Variants in LARS1 observed in about 807,000 individuals in gnomAD.
LARS1 encodes leucyl-tRNA synthetase 1.
A neutral mutation model predicts 162.8 loss-of-function variants in LARS1; 100 were observed. The ratio of observed to expected loss-of-function variants is 0.61; its 90% CI spans 0.52 to 0.73. LARS1 has a LOEUF of 0.73. Ranked by LOEUF, LARS1 falls within the 30% of genes least tolerant of loss-of-function variation. The pLI is 0.00. For missense variants in LARS1, 1,258 were observed against 1,408.9 expected (o/e 0.89, Z 1.71); for synonymous variants, 457 against 462.8 (o/e 0.99, Z 0.16).
chr5:146,135,636 G>C lies in LARS1; in HGVS notation c.2177C>G (p.Thr726Ser). 3.1e-6 allele frequency: 5 copies of C among 1,601,402 alleles called. No individual in the cohort carries two copies. The highest frequency in any genetic ancestry group is 3.4e-6 in the Non-Finnish European group (4 of 1,176,332). The stretch of plus-strand genomic sequence containing the variant: ...AAATTTGTCAATAGCTTGGGTCAAA[G>C]TGAGGAAGTTGCCTGTGGATTTTGA... ...KMSKSTGNFL[T>S]LTQAIDKFSA... is the part of the protein sequence containing the mutation. Residue 726 changes from threonine to serine, a missense_variant, in exon 22 of 32, where the codon ACT (threonine) becomes AGT (serine). Transcript: ENST00000394434.
chr5:146,166,579 A>G (rs889497421), intron 5 of LARS1, among the ~76,000 whole-genome samples: 1 of 152,204 alleles, frequency 6.6e-6, no homozygotes, highest in African/African-American at 2.4e-5. Flanking sequence ...TATAACCTGA[A>G]GAATAAAGTG....
intron 1 of LARS1, chr5:146,180,996 T>C (rs752414441): frequency 1.3e-5 from 2 of 152,220 alleles, no homozygotes; most frequent in African/African-American, 4.8e-5. Flanking sequence ...TATAGTTGCA[T>C]AGGTTGCTCT....
intron 2 of LARS1, among the ~76,000 whole-genome samples, chr5:146,174,589 T>TATATGTATATATCC (rs1554073667): frequency 0.058 from 282 of 4,898 alleles, 76 homozygotes; most frequent in Middle Eastern, 0.17. Flanking sequence ...TATATATCCA[T>TATATGTATATATCC]ATATATATAT....
At position 146,172,728 on chromosome 5, in the gene LARS1, G is replaced by T; in HGVS notation, c.172C>A (p.Arg58Ser). 1 of 1,583,464 alleles carries T rather than the reference G, an allele frequency of 6.3e-7. No individual in the cohort carries two copies. Among genetic ancestry groups the T allele is most frequent in the Non-Finnish European group, 8.6e-7 (1 of 1,166,282 alleles). The change falls in exon 3 of 32, where the codon CGC (arginine) becomes AGC (serine). Residue 58 changes from arginine (R) to serine (S), a missense_variant. Transcript: ENST00000394434. Reference protein sequence around the residue: ...VTFPYPYMNGRLHLGHTFSLS... With the variant: ...VTFPYPYMNGSLHLGHTFSLS... ...GAAAACGTGTGTCCCAAATGAAGGC[G>T]TCCATTCATATATGGATATGGGAAG...
intron 13 of LARS1, 54 bp downstream of exon 13, chr5:146,153,116 CTTCT>C (rs1254950975): frequency 7.5e-7 from 1 of 1,330,074 alleles, no homozygotes; most frequent in African/African-American, 1.5e-5. Context: ...CATGTTAGCT[CTTCT>C]TTTTCTCTGA....
chr5:146,141,179 TG>T (rs951887390), intron 20 of LARS1, among the ~76,000 whole-genome samples: 1 of 152,200 alleles, frequency 6.6e-6, no homozygotes, highest in Non-Finnish European at 1.5e-5. Flanking sequence ...GCAAGAGTTG[TG>T]GAGCCAATCT....
In LARS1 at chr5:146,136,336, CAAGAAT is replaced by C. The variant is rs374115037; in HGVS notation, c.2149-678_2149-673del. 2.2e-3 allele frequency among the ~76,000 whole-genome samples: 330 copies of C among 152,158 alleles called. 3 individuals carry two copies. The highest frequency in any genetic ancestry group is 7.7e-3 in the African/African-American group (321 of 41,540). On this transcript the variant is annotated intron_variant, in intron 21 of 31. Coordinates refer to ENST00000394434, the MANE Select transcript of LARS1 (RefSeq NM_020117.11). ...AGCCAAAGAAAATGTCATGTTCTAA[CAAGAAT>C]AATAAATGTATTGTTCTTCTTTGAC...
In LARS1 at chr5:146,157,468, T is replaced by C. The variant is rs1328818541; in HGVS notation, c.1000A>G (p.Met334Val). 5 of 1,614,070 alleles carry C rather than the reference T, an allele frequency of 3.1e-6. No individual in the cohort carries two copies. The African/African-American group carries it at 5.3e-5, about 17-fold the overall frequency. The change falls in exon 10 of 32, where the codon ATG becomes GTG. Residue 334 changes from methionine to valine, a missense_variant. Physicochemically the swap from Met to Val is conservative, Grantham distance 21 (BLOSUM62 1). Transcript: ENST00000394434. ...FICTQKAARN[M>V]SYQGFTKDNG... ...TCTTTGGTAAAGCCCTGGTATGACA[T>C]ATTCCTGGCTGCTTTTTGGGTACAG...
At position 146,130,069 on chromosome 5, in the gene LARS1, G is replaced by T. The variant is rs370418485; in HGVS notation, c.2577C>A (p.Leu859=). The change falls in exon 25 of 32, where the codon CTC becomes CTA. Residue 859 remains leucine (L), a synonymous_variant. Coordinates refer to ENST00000394434, the MANE Select transcript of LARS1 (RefSeq NM_020117.11). Reference sequence around the variant, plus strand: ...CACACAAATGTGGACAGAATGGAGCGAGGAGAAGTGTCTGAACTTCAATAA... The same window carrying T: ...CACACAAATGTGGACAGAATGGAGCTAGGAGAAGTGTCTGAACTTCAATAA... ...FRFIEVQTLL[L]APFCPHLCEH... is the part of the protein sequence containing the mutation. 2 of 1,613,928 alleles carry T rather than the reference G, an allele frequency of 1.2e-6. No homozygotes were observed. Among genetic ancestry groups the T allele is most frequent in the Non-Finnish European group, 1.7e-6 (2 of 1,179,844 alleles).
In LARS1 at chr5:146,162,575, C is replaced by T. The variant is rs556464542; in HGVS notation, c.594+1735G>A. ...CATTCTTAAAGGCCTTAAAATTTTC[C>T]AAATGGTAAATGAGCACTAGTTTCA... On this transcript the variant is annotated intron_variant, in intron 6 of 31. Coordinates refer to ENST00000394434, the MANE Select transcript of LARS1 (RefSeq NM_020117.11). Among the ~76,000 whole-genome samples the T allele has an allele frequency of 1.1e-4, 17 of 152,200 alleles. No homozygotes were observed. The South Asian group carries it at 3.3e-3, about 30-fold the overall frequency.
At chr5:146,164,920 G>A (rs1753935399) in intron 5 of LARS1, among the ~76,000 whole-genome samples, 1 of 152,202 alleles carries the variant, frequency 6.6e-6, no homozygotes, top group African/African-American at 2.4e-5. Flanking sequence ...TGGTTAAACT[G>A]TAACACTATA....
chr5:146,146,657 G>C, intron 15 of LARS1, among the ~76,000 whole-genome samples: 1 of 141,324 alleles, frequency 7.1e-6, no homozygotes, highest in East Asian at 2.1e-4. Flanking sequence ...CAGCATACTA[G>C]ATGTTGGTAC....
At chr5:146,143,253 G>A (rs1175112126) in intron 19 of LARS1, 159 bp downstream of exon 19, 1 of 937,660 alleles carries the variant, frequency 1.1e-6, no homozygotes, top group Non-Finnish European at 1.6e-6. Context: ...ATGACAGTAA[G>A]GGGCTATTTA....
intron 15 of LARS1, among the ~76,000 whole-genome samples, chr5:146,146,494 G>A (rs1753013571): frequency 1.0e-5 from 1 of 100,266 alleles, no homozygotes; most frequent in Non-Finnish European, 2.0e-5. Flanking sequence ...TAAAATAGAG[G>A]TTAGAACCCC....
chr5:146,118,016 C>G (rs1375532162), intron 31 of LARS1, among the ~76,000 whole-genome samples: 1 of 152,058 alleles, frequency 6.6e-6, no homozygotes, highest in Non-Finnish European at 1.5e-5. Context: ...GGACATATAT[C>G]CAGTAAGAAA....
rs571316923 is a variant in LARS1 at position 146,137,102 on chromosome 5, C to T, written c.2149-1438G>A. Among the ~76,000 whole-genome samples, 14 of 152,018 alleles carry T rather than the reference C, an allele frequency of 9.2e-5. No individual in the cohort carries two copies. In the South Asian group the frequency reaches 1.5e-3, roughly 16 times the overall value. ...TAGTAGAGATGGAGTTTCACCACAT[C>T]GGCCAGGCTGGTCTTGAACTCCTGA... On this transcript the variant is annotated intron_variant, in intron 21 of 31. Transcript: ENST00000394434.
At chr5:146,160,685 T>C (rs961471387) in intron 6 of LARS1, among the ~76,000 whole-genome samples, 199 bp from the exon 7 acceptor site, 1 of 152,190 alleles carries the variant, frequency 6.6e-6, no homozygotes, top group Admixed American at 6.5e-5. Context: ...CATATACATA[T>C]ACATATTAAC....
At chr5:146,144,803 C>T in intron 15 of LARS1, 94 bp from the exon 16 acceptor site, 1 of 1,081,380 alleles carries the variant, frequency 9.2e-7, no homozygotes, top group East Asian at 2.5e-5. Flanking sequence ...TGCTATACCA[C>T]CAATAACTGA....
At chr5:146,152,987 A>G (rs939766169) in intron 13 of LARS1, among the ~76,000 whole-genome samples, 187 bp downstream of exon 13, 1 of 152,210 alleles carries the variant, frequency 6.6e-6, no homozygotes, top group Non-Finnish European at 1.5e-5. Context: ...TGGTAAGAAA[A>G]TGCTTGTTAG....
Sources: gnomAD v4.1 joint callset for allele counts (sites outside exome capture counted in the v4.1 genomes callset) on GRCh38, gnomAD v4.1.1 for gene constraint, MANE v1.5 for transcripts, NCBI Gene and HGNC (gene_info 2026-07-23, HGNC 2026-07-21) for gene names.